The following MAP6 variants were observed in gnomAD, a reference collection of about 807,000 sequenced individuals.
MAP6 encodes the protein microtubule associated protein 6.
MAP6 carries 26 observed loss-of-function variants against 42.4 expected under a neutral mutation model. The ratio of observed to expected loss-of-function variants is 0.61; its 90% CI spans 0.45 to 0.85. The LOEUF is 0.85. MAP6 is among the 40% of genes least tolerant of loss of function. The pLI, the probability that MAP6 is intolerant of heterozygous loss-of-function variation, is 0.00. For missense variants in MAP6, 966 were observed against 1,099.0 expected, an observed-to-expected ratio of 0.88 and a Z score of 1.71; for synonymous variants, 418 against 443.8, an observed-to-expected ratio of 0.94 and a Z score of 0.73.
intron 1 of MAP6, among the ~76,000 whole-genome samples, chr11:75,609,921 T>G (rs940345983): frequency 6.6e-6 from 1 of 152,226 alleles, no homozygotes; most frequent in Admixed American, 6.5e-5. Flanking sequence ...AAAAGGTGAC[T>G]GGGTAATGAG....
At chr11:75,621,938 G>A (rs780210620) in intron 1 of MAP6, among the ~76,000 whole-genome samples, 4 of 151,994 alleles carry the variant, frequency 2.6e-5, no homozygotes, top group Non-Finnish European at 5.9e-5. Flanking sequence ...CAGGAGAATC[G>A]CTTGAACCCG....
intron 1 of MAP6, among the ~76,000 whole-genome samples, chr11:75,642,253 C>T (rs980749323): frequency 3.3e-5 from 5 of 152,130 alleles, no homozygotes; most frequent in Non-Finnish European, 5.9e-5. Context: ...CATATTGACA[C>T]CCTGGAAATC....
At chr11:75,661,433 G>A (rs939727700) in intron 1 of MAP6, among the ~76,000 whole-genome samples, 27 of 151,694 alleles carry the variant, frequency 1.8e-4, no homozygotes, top group African/African-American at 4.8e-4. Context: ...GAATATATAC[G>A]CAAGCATTTC....
At chr11:75,601,597 G>C (rs1942664080) in intron 3 of MAP6, among the ~76,000 whole-genome samples, 1 of 152,090 alleles carries the variant, frequency 6.6e-6, no homozygotes, top group Non-Finnish European at 1.5e-5. Flanking sequence ...GAGCAAGAGA[G>C]GATCTGTAGT....
intron 3 of MAP6, among the ~76,000 whole-genome samples, chr11:75,594,954 G>A (rs1942551645): frequency 6.6e-6 from 1 of 152,176 alleles, no homozygotes; most frequent in South Asian, 2.1e-4. Flanking sequence ...TCAAACCAGA[G>A]AGGCTCAAAG....
chr11:75,659,173 G>A (rs1223259756), intron 1 of MAP6, among the ~76,000 whole-genome samples: 6 of 152,192 alleles, frequency 3.9e-5, no homozygotes, highest in African/African-American at 1.4e-4. Context: ...CAAAGTCTGT[G>A]ATTTTAACAG....
intron 3 of MAP6, among the ~76,000 whole-genome samples, chr11:75,588,837 G>T (rs1942421943): frequency 6.6e-6 from 1 of 152,298 alleles, no homozygotes; most frequent in African/African-American, 2.4e-5. Context: ...AAGCAGGCCA[G>T]CTATTAGTTT....
At chr11:75,652,903 T>C (rs1943673157) in intron 1 of MAP6, among the ~76,000 whole-genome samples, 1 of 151,810 alleles carries the variant, frequency 6.6e-6, no homozygotes, top group Non-Finnish European at 1.5e-5. Context: ...TTGACAATGC[T>C]GTCTTCTCAA....
rs1394787227 is a variant in MAP6, at chr11:75,587,599, T to A, written c.1902A>T (p.Ala634=). Residue 634 remains alanine, a synonymous_variant, in exon 4 of 4, where the codon GCA becomes GCT. Transcript: ENST00000304771. ...PVKDEGPMVS[A]PIKDQDPMVP... ...CCATGGGATCTTGATCCTTGATAGG[T>A]GCTGAGACCATGGGACCTTCATCCT... is the stretch of plus-strand genomic sequence containing the variant. The A allele has an allele frequency of 2.5e-6, 4 of 1,614,016 alleles. No individual in the cohort carries two copies. In the African/African-American group the frequency reaches 5.3e-5, roughly 22 times the overall value.
intron 3 of MAP6, among the ~76,000 whole-genome samples, chr11:75,596,917 C>T (rs373616521): frequency 1.3e-5 from 2 of 152,168 alleles, no homozygotes; most frequent in South Asian, 2.1e-4. Context: ...CTGTTTCAGG[C>T]GATGCACATC....
intron 1 of MAP6, among the ~76,000 whole-genome samples, chr11:75,649,288 AAAAC>A (rs1365892885): frequency 7.9e-5 from 12 of 152,320 alleles, no homozygotes; most frequent in Non-Finnish European, 1.8e-4. Context: ...TTGGGTGAAA[AAAAC>A]AAAGTGACAG....
intron 2 of MAP6, chr11:75,607,304 G>A (rs1942797946): frequency 1.0e-6 from 1 of 985,324 alleles, no homozygotes; most frequent in African/African-American, 1.7e-5. Flanking sequence ...AGGTTCCAGA[G>A]TTATTTAAGT....
At chr11:75,654,488 T>C (rs1590806748) in intron 1 of MAP6, among the ~76,000 whole-genome samples, 1 of 152,332 alleles carries the variant, frequency 6.6e-6, no homozygotes, top group East Asian at 1.9e-4. Context: ...CACATTTCTA[T>C]TCTTGCACTT....
At chr11:75,652,012 C>T (rs1590804806) in intron 1 of MAP6, among the ~76,000 whole-genome samples, 1 of 152,140 alleles carries the variant, frequency 6.6e-6, no homozygotes, top group East Asian at 1.9e-4. Context: ...AAAGGGAACA[C>T]CAACTTTGAA....
At chr11:75,656,783 T>G (rs895863563) in intron 1 of MAP6, among the ~76,000 whole-genome samples, 20 of 152,332 alleles carry the variant, frequency 1.3e-4, no homozygotes, top group African/African-American at 4.8e-4. Context: ...TTAGTTCTTT[T>G]GTATTTTGTT....
rs1944005454 is a variant in MAP6, at chr11:75,668,487, C to T, written c.-118G>A. The T allele has an allele frequency of 7.3e-7, 1 of 1,373,070 alleles. No individual in the cohort carries two copies. Among genetic ancestry groups the T allele is most frequent in the Non-Finnish European group, 9.4e-7 (1 of 1,058,740 alleles). 85.1% of individuals were successfully genotyped at this position (1,373,070 alleles called of 1,614,324 possible). On this transcript the variant is annotated 5_prime_UTR_variant, in exon 1 of 4. Coordinates refer to ENST00000304771, the MANE Select transcript of MAP6 (RefSeq NM_033063.2). ...ATGTGGTTCCCACCGTTTTCTACCCCCGATCAGCCGGAGCTAGTTCGCCCT... is the reference window on the plus strand; with the variant it reads ...ATGTGGTTCCCACCGTTTTCTACCCTCGATCAGCCGGAGCTAGTTCGCCCT...
intron 1 of MAP6, among the ~76,000 whole-genome samples, chr11:75,621,014 C>T (rs1943100721): frequency 6.6e-6 from 1 of 151,786 alleles, no homozygotes; most frequent in African/African-American, 2.4e-5. Flanking sequence ...GCCTGTAGTC[C>T]CAGCTACTTG....
intron 1 of MAP6, among the ~76,000 whole-genome samples, chr11:75,633,134 G>A (rs1467578571): frequency 6.6e-6 from 1 of 151,462 alleles, no homozygotes; most frequent in Non-Finnish European, 1.5e-5. Flanking sequence ...CTTCACTTAA[G>A]TATTTCATGT....
rs78360062 is a variant in MAP6 at position 75,653,962 on chromosome 11, C to T, written c.905+13503G>A. ...CACTGTGCTGAGCACTGTATGTACA[C>T]ATCTTTCATTCATTTGTTCAATTAA... On this transcript the variant is annotated intron_variant, in intron 1 of 3. Coordinates refer to ENST00000304771, the MANE Select transcript of MAP6 (RefSeq NM_033063.2). 4.9e-4 allele frequency among the ~76,000 whole-genome samples: 75 copies of T among 152,346 alleles called. 1 individual carries two copies. The East Asian group carries it at 8.3e-3, about 17-fold the overall frequency.
Sources: allele counts gnomAD v4.1 joint callset (sites outside exome capture counted in the v4.1 genomes callset), GRCh38; gene constraint gnomAD v4.1.1; transcripts MANE v1.5; gene names NCBI Gene and HGNC (gene_info 2026-07-23, HGNC 2026-07-21).